The following AGAP9 variants were observed in gnomAD, a reference collection of about 807,000 sequenced individuals.
The protein encoded by AGAP9 is ArfGAP with GTPase domain, ankyrin repeat and PH domain 9.
Under a neutral mutation model 55.6 loss-of-function variants are expected in AGAP9, and 23 were observed. The ratio of observed to expected loss-of-function variants is 0.41; its 90% CI spans 0.30 to 0.59. The LOEUF (loss-of-function observed/expected upper bound fraction) is 0.59. Among genes scored for constraint, AGAP9 ranks in the 20% least tolerant of loss-of-function variants. The pLI is 0.25. For missense variants in AGAP9, 309 were observed against 808.1 expected, an observed-to-expected ratio of 0.38 and a Z score of 7.49; for synonymous variants, 120 against 305.0, an observed-to-expected ratio of 0.39 and a Z score of 6.32.
intron 6 of AGAP9, among the ~76,000 whole-genome samples, chr10:47,506,599 G>T (rs1840483540): frequency 7.1e-6 from 1 of 141,536 alleles, no homozygotes; most frequent in African/African-American, 2.6e-5. Flanking sequence ...CAAAATGCTG[G>T]GATTACAGGT....
intron 5 of AGAP9, among the ~76,000 whole-genome samples, chr10:47,507,862 G>C (rs1202998920): frequency 5.8e-5 from 6 of 103,290 alleles, no homozygotes; most frequent in Non-Finnish European, 1.9e-5. Flanking sequence ...CTTTTCTACC[G>C]ATGAAACCTT....
rs1840510942 is a variant in AGAP9, at chr10:47,507,618, T to G, written c.498-35A>C. On this transcript the variant is annotated intron_variant, in intron 5 of 7. Transcript: ENST00000452145. ...GAAAACAAATTCATAACAATAGATG[T>G]TATCATTTGTTAGGCCTGCAGACAT... 2 of 1,529,412 alleles carry G rather than the reference T, an allele frequency of 1.3e-6. 1 individual carries two copies. The highest frequency in any genetic ancestry group is 5.9e-5 in the East Asian group (2 of 34,040). 94.7% of individuals were successfully genotyped at this position (1,529,412 alleles called of 1,614,324 possible).
At position 47,502,891 on chromosome 10, in the gene AGAP9, A is replaced by C. The variant is rs1204224557; in HGVS notation, c.1238T>G (p.Ile413Ser). The C allele has an allele frequency of 5.0e-6, 8 of 1,604,576 alleles. No homozygotes were observed. The African/African-American group carries it at 1.1e-4, about 22-fold the overall frequency. The change falls in exon 8 of 8, where the codon ATT (isoleucine) becomes AGT (serine). Residue 413 changes from isoleucine (I) to serine (S), a missense_variant. By Grantham distance (142) the Ile-to-Ser change is moderately radical (BLOSUM62 -2). Transcript: ENST00000452145. Reference protein sequence around the residue: ...LKKKSTNNFMIVSATGQTWHF... With the variant: ...LKKKSTNNFMSVSATGQTWHF... Reference sequence around the variant, plus strand: ...CCACGTTTGGCCAGTGGCAGACACAATCATAAAGTTGTTGGTGCTTTTCTT... The same window carrying C: ...CCACGTTTGGCCAGTGGCAGACACACTCATAAAGTTGTTGGTGCTTTTCTT...
At position 47,502,957 on chromosome 10, in the gene AGAP9, G is replaced by A. The variant is rs1181170818; in HGVS notation, c.1172C>T (p.Pro391Leu). 6.0e-4 allele frequency: 948 copies of A among 1,589,732 alleles called. 77 individuals are homozygous for A. Among genetic ancestry groups the A allele is most frequent in the Middle Eastern group, 3.4e-3 (19 of 5,662 alleles). Residue 391 changes from proline to leucine, a missense_variant, in exon 8 of 8, where the codon CCG becomes CTG. Pro to Leu is a moderately conservative substitution (Grantham distance 98). Coordinates refer to ENST00000452145, the MANE Select transcript of AGAP9 (RefSeq NM_001190810.1). ...TTTATTGGCATGAGGAGAGGGGGGC[G>A]GGTTGAGCTTGGGGCTGGTGGTGCT... ...ISSTTSPKLNPPPSPHANKKK... is the reference protein window; with the variant it reads ...ISSTTSPKLNLPPSPHANKKK...
At position 47,502,931 on chromosome 10, in the gene AGAP9, T is replaced by C. The variant is rs1377723908; in HGVS notation, c.1198A>G (p.Lys400Glu). 5.9e-5 allele frequency: 94 copies of C among 1,602,248 alleles called. 4 individuals carry two copies. In the East Asian group the frequency reaches 7.8e-4, roughly 13 times the overall value. The change falls in exon 8 of 8, where the codon AAG becomes GAG. Residue 400 changes from lysine to glutamate, a missense_variant. Transcript: ENST00000452145. ...GTGCTTTTCTTCTTTAGGTGTTTCT[T>C]TTTATTGGCATGAGGAGAGGGGGGC... ...NPPPSPHANKKKHLKKKSTNN... is the reference protein window; with the variant it reads ...NPPPSPHANKEKHLKKKSTNN...
At position 47,502,389 on chromosome 10, in the gene AGAP9, T is replaced by C; in HGVS notation, c.1740A>G (p.Leu580=). Residue 580 remains leucine, a synonymous_variant, in exon 8 of 8, where the codon CTA becomes CTG. Transcript: ENST00000452145. ...GGCCCAGGGACAGCTCAGTGCAGGGTAGTGGGGCCAGAAAGAGCTTCTCCT... is the reference window on the plus strand; with the variant it reads ...GGCCCAGGGACAGCTCAGTGCAGGGCAGTGGGGCCAGAAAGAGCTTCTCCT... The part of the protein sequence containing the change: ...KYEEKLFLAP[L]PCTELSLGQQ... 7 of 1,609,568 alleles carry C rather than the reference T, an allele frequency of 4.3e-6. No homozygotes were observed. Among genetic ancestry groups the C allele is most frequent in the South Asian group, 2.2e-5 (2 of 90,894 alleles).
chr10:47,509,512 GT>G (rs1840554621), intron 5 of AGAP9, among the ~76,000 whole-genome samples: 1 of 121,220 alleles, frequency 8.2e-6, no homozygotes, highest in African/African-American at 3.1e-5. Context: ...TTATAAGCTA[GT>G]TATGTTTACA....
intron 4 of AGAP9, among the ~76,000 whole-genome samples, chr10:47,513,056 G>T (rs1840658168): frequency 7.5e-6 from 1 of 133,670 alleles, no homozygotes. Context: ...TTTTTGAGAT[G>T]GAGTCTTGCT....
intron 4 of AGAP9, among the ~76,000 whole-genome samples, chr10:47,513,063 T>A (rs1420838898): frequency 9.2e-6 from 1 of 108,336 alleles, no homozygotes; most frequent in Non-Finnish European, 1.9e-5. Flanking sequence ...GATGGAGTCT[T>A]GCTCTGTTGC....
At chr10:47,514,049 T>C (rs1840681893) in intron 4 of AGAP9, among the ~76,000 whole-genome samples, 2 of 141,362 alleles carry the variant, frequency 1.4e-5, no homozygotes, top group Admixed American at 7.2e-5. Context: ...ACTAAAGAGC[T>C]TCTGCACAGG....
At chr10:47,510,915 TATTAATTA>T (rs1204375731) in intron 4 of AGAP9, among the ~76,000 whole-genome samples, 2 of 131,082 alleles carry the variant, frequency 1.5e-5, no homozygotes, top group African/African-American at 2.9e-5. Context: ...CAAGAATTTC[TATTAATTA>T]ATTAATTAAT....
chr10:47,510,432 TC>T (rs2132483283), intron 4 of AGAP9, among the ~76,000 whole-genome samples, 161 bp from the exon 5 acceptor site: 1 of 140,700 alleles, frequency 7.1e-6, no homozygotes, highest in Admixed American at 7.3e-5. Context: ...GCTCTCAACT[TC>T]CAGAGATGAT....
intron 4 of AGAP9, among the ~76,000 whole-genome samples, chr10:47,511,310 T>G (rs1342690226): frequency 1.4e-5 from 2 of 142,632 alleles, no homozygotes; most frequent in Non-Finnish European, 3.1e-5. Context: ...AGCACTTTAT[T>G]GCAGTGAATA....
chr10:47,508,765 T>TC (rs1490693608), intron 5 of AGAP9, among the ~76,000 whole-genome samples: 2 of 84,392 alleles, frequency 2.4e-5, no homozygotes, highest in Admixed American at 1.3e-4. Context: ...ATGCTTTTCT[T>TC]CACAGAAAGA....
intron 5 of AGAP9, among the ~76,000 whole-genome samples, chr10:47,509,013 T>C (rs1200446820): frequency 7.4e-6 from 1 of 134,734 alleles, no homozygotes; most frequent in African/African-American, 3.2e-5. Flanking sequence ...TCAATAACTT[T>C]ATTTCACCAA....
At chr10:47,508,079 T>G (rs1391373120) in intron 5 of AGAP9, among the ~76,000 whole-genome samples, 3 of 127,998 alleles carry the variant, frequency 2.3e-5, no homozygotes, top group Non-Finnish European at 3.3e-5. Context: ...TTTGGGGGGG[T>G]GGTGGGTGGA....
intron 4 of AGAP9, among the ~76,000 whole-genome samples, chr10:47,513,196 G>A (rs1242114161): frequency 1.3e-5 from 2 of 149,408 alleles, no homozygotes; most frequent in Admixed American, 6.7e-5. Flanking sequence ...CACCACGCCC[G>A]GCTAACTTTT....
chr10:47,506,674 C>A (rs1257237359), intron 6 of AGAP9, among the ~76,000 whole-genome samples: 2 of 143,272 alleles, frequency 1.4e-5, no homozygotes, highest in Non-Finnish European at 3.1e-5. Context: ...GAGTCTTGCT[C>A]TGTCACCCAG....
In AGAP9 at chr10:47,502,609, C is replaced by A. The variant is rs1364980747; in HGVS notation, c.1520G>T (p.Arg507Leu). 1.3e-6 allele frequency: 2 copies of A among 1,575,274 alleles called. No homozygotes were observed. The highest frequency in any genetic ancestry group is 1.7e-6 in the Non-Finnish European group (2 of 1,155,092). Residue 507 changes from arginine (R) to leucine (L), a missense_variant, in exon 8 of 8, where the codon CGC becomes CTC. Coordinates refer to ENST00000452145, the MANE Select transcript of AGAP9 (RefSeq NM_001190810.1). The part of the protein sequence containing the change: ...LMCIECSGIH[R>L]SFGTRLSRVR... ...ACGGGAAAGGCGGGTGCCAAAACTGCGGTGGATACCTGAGCATTCAATACA... is the reference window on the plus strand; with the variant it reads ...ACGGGAAAGGCGGGTGCCAAAACTGAGGTGGATACCTGAGCATTCAATACA...
Sources: gnomAD v4.1 joint callset for allele counts (sites outside exome capture counted in the v4.1 genomes callset) on GRCh38, gnomAD v4.1.1 for gene constraint, MANE v1.5 for transcripts, NCBI Gene and HGNC (gene_info 2026-07-23, HGNC 2026-07-21) for gene names.